The following SLC24A3 variants were observed in gnomAD, a reference collection of about 807,000 sequenced individuals.
The protein encoded by SLC24A3 is solute carrier family 24 member 3.
SLC24A3 carries 28 observed loss-of-function variants against 75.8 expected under a neutral mutation model. That is an observed-to-expected ratio of 0.37 (90% CI 0.27 to 0.51). The LOEUF is 0.51. Among genes scored for constraint, SLC24A3 ranks in the 20% least tolerant of loss-of-function variants. The probability of loss-of-function intolerance (pLI) is 0.94; values close to 1 mark genes in which losing one functional copy is unlikely to be tolerated. For synonymous variants in SLC24A3, 372 were observed against 334.1 expected (o/e 1.11, Z -1.24); for missense variants, 663 against 847.8 (o/e 0.78, Z 2.71).
At chr20:19,260,112 A>G (rs932351961) in intron 1 of SLC24A3, among the ~76,000 whole-genome samples, 3 of 152,206 alleles carry the variant, frequency 2.0e-5, no homozygotes, top group African/African-American at 7.2e-5. Context: ...GATCAACTTC[A>G]TCATTGTTAT....
intron 6 of SLC24A3, among the ~76,000 whole-genome samples, chr20:19,592,511 G>C (rs2122645383): frequency 6.6e-6 from 1 of 152,264 alleles, no homozygotes. Context: ...AATCAGCACG[G>C]TGCAATGGGG....
intron 6 of SLC24A3, among the ~76,000 whole-genome samples, chr20:19,635,167 T>C (rs1212397624): frequency 6.6e-6 from 1 of 152,210 alleles, no homozygotes; most frequent in Non-Finnish European, 1.5e-5. Context: ...AATAACAGCC[T>C]GATACACAAA....
intron 1 of SLC24A3, among the ~76,000 whole-genome samples, chr20:19,229,945 C>T (rs951609644): frequency 2.0e-5 from 3 of 151,908 alleles, no homozygotes; most frequent in African/African-American, 7.3e-5. Flanking sequence ...TTAGCTGACT[C>T]CCCTTGTAAT....
chr20:19,525,745 A>G (rs1045960917), intron 3 of SLC24A3, among the ~76,000 whole-genome samples: 1 of 152,056 alleles, frequency 6.6e-6, no homozygotes, highest in African/African-American at 2.4e-5. Context: ...CACACACCAG[A>G]TCCCACCCAG....
intron 3 of SLC24A3, among the ~76,000 whole-genome samples, chr20:19,534,472 A>G (rs1433574996): frequency 1.6e-5 from 2 of 121,836 alleles, no homozygotes; most frequent in African/African-American, 5.6e-5. Flanking sequence ...GTGCAGTGGC[A>G]CGATCTTGGC....
chr20:19,545,229 A>T (rs1196755921), intron 3 of SLC24A3, among the ~76,000 whole-genome samples: 1 of 152,214 alleles, frequency 6.6e-6, no homozygotes, highest in African/African-American at 2.4e-5. Context: ...ACATGCAATT[A>T]TCCAGCTCTG....
intron 2 of SLC24A3, among the ~76,000 whole-genome samples, chr20:19,450,519 G>A (rs1987462433): frequency 6.6e-6 from 1 of 152,144 alleles, no homozygotes; most frequent in African/African-American, 2.4e-5. Context: ...TCATCACACA[G>A]TTGTTACCTT....
chr20:19,235,914 C>T (rs768037086), intron 1 of SLC24A3, among the ~76,000 whole-genome samples: 1 of 152,162 alleles, frequency 6.6e-6, no homozygotes, highest in African/African-American at 2.4e-5. Context: ...GTCTATGGGT[C>T]ATAAATGCAT....
intron 2 of SLC24A3, among the ~76,000 whole-genome samples, chr20:19,507,588 C>T (rs1014895133): frequency 3.3e-5 from 5 of 152,184 alleles, no homozygotes; most frequent in African/African-American, 1.2e-4. Context: ...AATGGTGAGC[C>T]AGGCACTGGT....
chr20:19,696,642 G>T (rs1404712251), intron 13 of SLC24A3, 155 bp from the exon 14 acceptor site: 2 of 539,666 alleles, frequency 3.7e-6, no homozygotes, highest in African/African-American at 3.7e-5. Context: ...CATCCACATA[G>T]TGTTTGTCAC....
At chr20:19,216,871 G>C (rs1981574466) in intron 1 of SLC24A3, among the ~76,000 whole-genome samples, 1 of 152,160 alleles carries the variant, frequency 6.6e-6, no homozygotes, top group Admixed American at 6.5e-5. Context: ...GCTTGTCTCT[G>C]CTCCACTACA....
At position 19,693,258 on chromosome 20, in the gene SLC24A3, G is replaced by C; in HGVS notation, c.1325-1G>C. The stretch of plus-strand genomic sequence containing the variant: ...CTTTTTGGCCTTTTTCATTTTTCCA[G>C]CGGGTAAACTGGAAACAGTGAAATG... On this transcript the variant is annotated splice_acceptor_variant, in intron 12 of 16. Coordinates refer to ENST00000328041, the MANE Select transcript of SLC24A3 (RefSeq NM_020689.4). LOFTEE classifies it high-confidence loss of function. The C allele has an allele frequency of 3.1e-6, 5 of 1,589,362 alleles. No homozygotes were observed. The highest frequency in any genetic ancestry group is 4.3e-6 in the Non-Finnish European group (5 of 1,171,256).
At chr20:19,652,841 T>C (rs2032223374) in intron 6 of SLC24A3, among the ~76,000 whole-genome samples, 1 of 152,152 alleles carries the variant, frequency 6.6e-6, no homozygotes, top group Admixed American at 6.5e-5. Flanking sequence ...TCCCACTGTG[T>C]TTGGTGTAGC....
chr20:19,658,897 C>T (rs1326507000), intron 7 of SLC24A3, among the ~76,000 whole-genome samples: 1 of 152,182 alleles, frequency 6.6e-6, no homozygotes, highest in East Asian at 1.9e-4. Context: ...CCTCCCAGTC[C>T]TGTCTTTTCT....
At chr20:19,470,703 A>G (rs1044600194) in intron 2 of SLC24A3, among the ~76,000 whole-genome samples, 3 of 152,148 alleles carry the variant, frequency 2.0e-5, no homozygotes, top group Admixed American at 6.5e-5. Flanking sequence ...TGACCCACTC[A>G]TTTCTGTGTT....
At chr20:19,717,470 C>G in intron 15 of SLC24A3, 58 bp from the exon 16 acceptor site, 1 of 1,586,168 alleles carries the variant, frequency 6.3e-7, no homozygotes, top group South Asian at 1.1e-5. Context: ...TTTCCAAAGC[C>G]TAACTCTGCT....
intron 2 of SLC24A3, among the ~76,000 whole-genome samples, chr20:19,354,588 A>ATGTGTATG (rs1555789356): frequency 7.3e-6 from 1 of 136,298 alleles, no homozygotes; most frequent in African/African-American, 3.1e-5. Context: ...AAATTTGTGT[A>ATGTGTATG]TGTGTGTGTG....
At chr20:19,585,171 G>A in intron 5 of SLC24A3, 116 bp downstream of exon 5, 2 of 916,052 alleles carry the variant, frequency 2.2e-6, no homozygotes, top group Middle Eastern at 2.2e-4. Context: ...GATAATCCAG[G>A]GACCCCAATG....
intron 15 of SLC24A3, among the ~76,000 whole-genome samples, chr20:19,712,035 C>T (rs1224726427): frequency 6.6e-6 from 1 of 152,116 alleles, no homozygotes; most frequent in African/African-American, 2.4e-5. Context: ...TAGCCTCGAC[C>T]TTCCCAGCTC....
Sources: allele counts gnomAD v4.1 joint callset (sites outside exome capture counted in the v4.1 genomes callset), GRCh38; gene constraint gnomAD v4.1.1; transcripts MANE v1.5; gene names NCBI Gene and HGNC (gene_info 2026-07-23, HGNC 2026-07-21).